TEKTIP1: variants seen among roughly 807,000 people sequenced by gnomAD.
The protein encoded by TEKTIP1 is tektin bundle-interacting protein 1.
the TEKTIP1 span, chr19:3,541,650 T>C: frequency 7.1e-6 from 7 of 984,770 alleles, no homozygotes; most frequent in Non-Finnish European, 8.4e-6. Context: ...TTTAAAAAAA[T>C]GGAGATGCAG....
chr19:3,540,135 C>G, the TEKTIP1 span: 1 of 147,964 alleles, frequency 6.8e-6, no homozygotes, highest in African/African-American at 2.5e-5. Context: ...ATACTGTTGC[C>G]CAGGCTAGGG....
chr19:3,543,518 G>A, the TEKTIP1 span: 1 of 1,527,766 alleles, frequency 6.5e-7, no homozygotes, highest in Admixed American at 2.0e-5. Context: ...CTGCCAGAGG[G>A]GGACAGGAAT....
At chr19:3,539,227 CCCT>C in the TEKTIP1 span, 10 of 1,550,546 alleles carry the variant, frequency 6.4e-6, no homozygotes, top group Non-Finnish European at 8.7e-6. Flanking sequence ...CCCTCGGGGA[CCCT>C]CGAGGCCAGC....
the TEKTIP1 span, chr19:3,541,968 CCTGA>C: frequency 2.5e-6 from 1 of 401,280 alleles, no homozygotes; most frequent in Admixed American, 6.4e-5. Flanking sequence ...CATCACCACA[CCTGA>C]CTAATTTTTG....
chr19:3,543,532 C>T, the TEKTIP1 span: 166 of 1,499,240 alleles, frequency 1.1e-4, no homozygotes, highest in Middle Eastern at 1.7e-3. Context: ...CAGGAATGAC[C>T]GCCAGCCCCC....
chr19:3,541,894 C>T, the TEKTIP1 span: 41 of 740,454 alleles, frequency 5.5e-5, no homozygotes, highest in African/African-American at 3.4e-4. Flanking sequence ...CTGCAACCTC[C>T]GCCTCCCGGG....
the TEKTIP1 span, chr19:3,542,839 T>C: frequency 7.3e-7 from 1 of 1,377,170 alleles, no homozygotes; most frequent in African/African-American, 1.5e-5. Context: ...AGACCACTTC[T>C]TCCTGGTGCA....
the TEKTIP1 span, chr19:3,543,990 C>A: frequency 7.8e-6 from 12 of 1,544,492 alleles, no homozygotes; most frequent in African/African-American, 2.7e-5. Context: ...CCCGCCTTCC[C>A]TCACACCCAC....
At chr19:3,543,352 G>A in the TEKTIP1 span, 2 of 1,549,314 alleles carry the variant, frequency 1.3e-6, no homozygotes, top group Admixed American at 2.0e-5. Context: ...ACACAGGCCT[G>A]ACCAACTCGG....
At chr19:3,540,603 G>A in the TEKTIP1 span, among the ~76,000 whole-genome samples, 5 of 151,882 alleles carry the variant, frequency 3.3e-5, no homozygotes, top group East Asian at 9.9e-4. Context: ...CAGGCAGCCA[G>A]GCGCAGTGGC....
At chr19:3,539,432 C>A in the TEKTIP1 span, 1 of 587,040 alleles carries the variant, frequency 1.7e-6, no homozygotes, top group Non-Finnish European at 3.1e-6. Context: ...GGCCAGTGGC[C>A]GCTCACTGTG....
chr19:3,543,344 A>T, the TEKTIP1 span: 343 of 1,549,502 alleles, frequency 2.2e-4, 5 homozygotes, highest in East Asian at 8.3e-3. Flanking sequence ...GCTGTGGTAC[A>T]CAGGCCTGAC....
At chr19:3,543,032 G>A in the TEKTIP1 span, 1 of 1,606,750 alleles carries the variant, frequency 6.2e-7, no homozygotes, top group Non-Finnish European at 8.5e-7. Flanking sequence ...GATGTGTGGG[G>A]AGAGGGGGAG....
chr19:3,543,329 G>A, the TEKTIP1 span: 104 of 1,549,292 alleles, frequency 6.7e-5, 1 homozygote, highest in African/African-American at 4.2e-4. Flanking sequence ...GGACGCAGCC[G>A]GCCAGCTGTG....
the TEKTIP1 span, among the ~76,000 whole-genome samples, chr19:3,540,406 C>T: frequency 1.3e-3 from 192 of 151,624 alleles, 1 homozygote; most frequent in Non-Finnish European, 1.8e-3. Flanking sequence ...TACAGGCATG[C>T]GCTACCATGC....
the TEKTIP1 span, chr19:3,541,474 C>G: frequency 3.1e-5 from 5 of 163,274 alleles, no homozygotes; most frequent in East Asian, 2.0e-4. Context: ...AGGCACCCAC[C>G]ACCACGCCCG....
At chr19:3,542,237 C>G in the TEKTIP1 span, 1 of 985,432 alleles carries the variant, frequency 1.0e-6, no homozygotes, top group Non-Finnish European at 1.2e-6. Context: ...TGGGGTCCCT[C>G]AAACAGGCTC....
chr19:3,543,052 C>G, the TEKTIP1 span: 3 of 1,602,566 alleles, frequency 1.9e-6, no homozygotes, highest in African/African-American at 4.0e-5. Flanking sequence ...GTCAGCCTCT[C>G]TCCTCAAGCA....
the TEKTIP1 span, chr19:3,543,550 C>G: frequency 1.1e-5 from 17 of 1,534,126 alleles, no homozygotes; most frequent in South Asian, 6.1e-5. Flanking sequence ...CCCGCCCCAC[C>G]GCAGCCTACA....
Sources: allele counts gnomAD v4.1 joint callset (sites outside exome capture counted in the v4.1 genomes callset), GRCh38; gene constraint gnomAD v4.1.1; transcripts MANE v1.5; gene names NCBI Gene and HGNC (gene_info 2026-07-23, HGNC 2026-07-21).